CCDC17: variants seen among roughly 807,000 people sequenced by gnomAD.
CCDC17 encodes coiled-coil domain containing 17.
In CCDC17, 79 loss-of-function variants were observed where a neutral mutation model predicts 68.0. That is an observed-to-expected ratio of 1.16 (90% CI 0.97 to 1.40). The LOEUF (loss-of-function observed/expected upper bound fraction) is 1.40. Among genes scored for constraint, CCDC17 ranks in the 40% most tolerant of loss-of-function variants. The probability of loss-of-function intolerance (pLI) is 0.00; values close to 1 mark genes in which losing one functional copy is unlikely to be tolerated. For missense variants in CCDC17, 846 were observed against 811.5 expected (o/e 1.04, Z -0.52); for synonymous variants, 376 against 337.5 (o/e 1.11, Z -1.25).
rs1374576447 is a variant in CCDC17, at chr1:45,622,550, T to A, written c.858A>T (p.Arg286Ser). The A allele has an allele frequency of 6.4e-7, 1 of 1,551,578 alleles. No homozygotes were observed. Among genetic ancestry groups the A allele is most frequent in the South Asian group, 1.2e-5 (1 of 84,064 alleles). Residue 286 changes from arginine to serine, a missense_variant and splice_region_variant, in exon 6 of 13, where the codon AGA becomes AGT. Arg to Ser is a moderately radical substitution (Grantham distance 110, BLOSUM62 -1). Transcript: ENST00000528266. ...ALELQRSQTR[R>S]GRAGATSGEL... ...CTGGCGAGAGGCCCTCCTGTTCACC[T>A]CTGCGGGTCTGCGACCGCTGCAGCT...
rs775067252 is a variant in CCDC17, at chr1:45,620,248, G to C, written c.*27C>G. The C allele has an allele frequency of 6.2e-7, 1 of 1,601,026 alleles. No homozygotes were observed. The highest frequency in any genetic ancestry group is 8.5e-7 in the Non-Finnish European group (1 of 1,175,518). ...TAGGCCCCAGTCCTGTGCATGTTCA[G>C]ATGCTCATCTCCACATTCACTTGGG... On this transcript the variant is annotated 3_prime_UTR_variant, in exon 13 of 13. Transcript: ENST00000528266.
chr1:45,621,125 C>T lies in CCDC17; in HGVS notation c.1389-12G>A. On this transcript the variant is annotated splice_polypyrimidine_tract_variant and intron_variant, in intron 10 of 12. Transcript: ENST00000528266. ...ATGAGGGTGGTAGTCTGTAGAATAA[C>T]CAAAAAGCAGTGTCGGAAGCCAGAG... The T allele has an allele frequency of 6.2e-7, 1 of 1,612,508 alleles. No individual in the cohort carries two copies. The highest frequency in any genetic ancestry group is 8.5e-7 in the Non-Finnish European group (1 of 1,179,164).
chr1:45,622,156 T>C, intron 7 of CCDC17, 85 bp downstream of exon 7: 1 of 1,364,402 alleles, frequency 7.3e-7, no homozygotes. Flanking sequence ...CAAACACGGG[T>C]CTTGTTCCCC....
chr1:45,621,197 G>A, intron 10 of CCDC17, 84 bp from the exon 11 acceptor site: 1 of 1,551,282 alleles, frequency 6.4e-7, no homozygotes, highest in Non-Finnish European at 8.7e-7. Flanking sequence ...AGCGGCCTCT[G>A]TATACAGATG....
intron 7 of CCDC17, 92 bp from the exon 8 acceptor site, chr1:45,622,087 G>A: frequency 7.2e-7 from 1 of 1,385,470 alleles, no homozygotes; most frequent in Non-Finnish European, 1.0e-6. Flanking sequence ...CCACAAATGG[G>A]TTGGCGGAGC....
At position 45,621,904 on chromosome 1, in the gene CCDC17, CGGT is replaced by C; in HGVS notation, c.1056_1058del (p.Pro353del). ...CCGAGAAGCCTGGAAGTGGTGGCAG[CGGT>C]GGTGCCACCGGTGGCGGGAGGAGTG... On this transcript the variant is annotated inframe_deletion, in exon 8 of 13. Coordinates refer to ENST00000528266, the MANE Select transcript of CCDC17 (RefSeq NM_001114938.3). 5 of 1,607,202 alleles carry C rather than the reference CGGT, an allele frequency of 3.1e-6. No individual in the cohort carries two copies. The highest frequency in any genetic ancestry group is 4.2e-6 in the Non-Finnish European group (5 of 1,176,960).
At chr1:45,621,825 C>T (rs1644270794) in intron 8 of CCDC17, 52 bp downstream of exon 8, 2 of 1,593,924 alleles carry the variant, frequency 1.3e-6, no homozygotes, top group East Asian at 2.3e-5. Context: ...CCAACCTGTT[C>T]CCCCAACCCA....
intron 4 of CCDC17, 21 bp from the exon 5 acceptor site, chr1:45,622,855 C>A (rs1344088693): frequency 1.9e-6 from 3 of 1,584,340 alleles, no homozygotes; most frequent in Non-Finnish European, 1.7e-6. Flanking sequence ...AGGCGACGCG[C>A]AGGGAGACGG....
chr1:45,620,862 TG>T (rs1217628174), intron 11 of CCDC17, 29 bp from the exon 12 acceptor site: 1 of 1,610,656 alleles, frequency 6.2e-7, no homozygotes, highest in African/African-American at 1.3e-5. Context: ...GTATTGCACT[TG>T]TACTTTGCTG....
Position 45,621,498 on chromosome 1 carries a change from G to A in CCDC17, c.1185-14C>T, listed in dbSNP as rs1557676584. 7 of 1,578,244 alleles carry A rather than the reference G, an allele frequency of 4.4e-6. No homozygotes were observed. Among genetic ancestry groups the A allele is most frequent in the Non-Finnish European group, 6.0e-6 (7 of 1,162,362 alleles). On this transcript the variant is annotated splice_polypyrimidine_tract_variant and intron_variant, in intron 9 of 12. Coordinates refer to ENST00000528266, the MANE Select transcript of CCDC17 (RefSeq NM_001114938.3). ...ACCAGGCCAGCCCTGGGGAACACAA[G>A]TCTTAGCACAGAAATACCCAACTCC...
At position 45,621,060 on chromosome 1, in the gene CCDC17, C is replaced by T; in HGVS notation, c.1442G>A (p.Gly481Glu). Residue 481 changes from glycine to glutamate, a missense_variant, in exon 11 of 13, where the codon GGG (glycine) becomes GAG (glutamate). Coordinates refer to ENST00000528266, the MANE Select transcript of CCDC17 (RefSeq NM_001114938.3). ...CTGTGGTGCCCTAGCCCATGCTAGC[C>T]CCTGCCAGACCTGCAGCTCACAGAC... ...SLVCELQVWQGLAWARAPQPK... is the reference protein window; with the variant it reads ...SLVCELQVWQELAWARAPQPK... 6.2e-7 allele frequency: 1 copy of T among 1,613,986 alleles called. No homozygotes were observed. The highest frequency in any genetic ancestry group is 8.5e-7 in the Non-Finnish European group (1 of 1,179,880).
chr1:45,622,985 G>C lies in CCDC17; in HGVS notation c.626C>G (p.Ala209Gly), dbSNP rs750196872. ...RTRGALEVLG[A>G]RIQELQAEPG... The stretch of plus-strand genomic sequence containing the variant: ...CTCCGCCTGCAGCTCCTGAATGCGG[G>C]CCCCCAACACCTCTAGAGCTCCCCG... Residue 209 changes from alanine (A) to glycine (G), a missense_variant, in exon 4 of 13, where the codon GCC becomes GGC. Transcript: ENST00000528266. 52 of 1,605,600 alleles carry C rather than the reference G, an allele frequency of 3.2e-5. 1 individual carries two copies. The South Asian group carries it at 5.7e-4, about 17-fold the overall frequency.
Position 45,621,682 on chromosome 1 carries a change from G to A in CCDC17, c.1140C>T (p.Leu380=), listed in dbSNP as rs760862274. Residue 380 remains leucine (L), a synonymous_variant, in exon 9 of 13, where the codon CTC becomes CTT. Transcript: ENST00000528266. ...TRNLGLDSHF[L]LPTSDMLGPA... is the part of the protein sequence containing the mutation. ...GGCCCAGCATGTCCGATGTGGGCAG[G>A]AGGAAGTGTGAGTCCAGGCCCAGGT... The A allele has an allele frequency of 6.2e-6, 10 of 1,613,772 alleles. No homozygotes were observed. In the South Asian group the frequency reaches 9.9e-5, roughly 16 times the overall value.
chr1:45,620,745 T>C lies in CCDC17; in HGVS notation c.1688A>G (p.His563Arg), dbSNP rs747514252. The change falls in exon 12 of 13, where the codon CAT becomes CGT. Residue 563 changes from histidine to arginine, a missense_variant. His to Arg is a conservative substitution (Grantham distance 29). Coordinates refer to ENST00000528266, the MANE Select transcript of CCDC17 (RefSeq NM_001114938.3). ...CACCGGAGGTGGGTACTGGTACTCA[T>C]GGACACTTGCTGGATTGATCTCTGC... ...TLAEINPASV[H>R]EYQYPPPVSS... 1.9e-5 allele frequency: 30 copies of C among 1,607,658 alleles called. No homozygotes were observed. Among genetic ancestry groups the C allele is most frequent in the Non-Finnish European group, 2.5e-5 (30 of 1,177,014 alleles).
Position 45,620,370 on chromosome 1 carries a change from G to A in CCDC17, c.1774C>T (p.Pro592Ser), listed in dbSNP as rs142888180. The change falls in exon 13 of 13, where the codon CCA becomes TCA. Residue 592 changes from proline (P) to serine (S), a missense_variant. Coordinates refer to ENST00000528266, the MANE Select transcript of CCDC17 (RefSeq NM_001114938.3). ...LTPAVGFADPPPRTEEPLSGV... is the reference protein window; with the variant it reads ...LTPAVGFADPSPRTEEPLSGV... Reference sequence around the variant, plus strand: ...CTGAGGGGCTCTTCTGTACGAGGTGGGGGATCAGCAAAGCCAACTGCGGGG... The same window carrying A: ...CTGAGGGGCTCTTCTGTACGAGGTGAGGGATCAGCAAAGCCAACTGCGGGG... The A allele has an allele frequency of 1.9e-6, 3 of 1,606,052 alleles. No individual in the cohort carries two copies. Among genetic ancestry groups the A allele is most frequent in the Middle Eastern group, 1.7e-4 (1 of 6,044 alleles).
chr1:45,622,629 T>C lies in CCDC17; in HGVS notation c.779A>G (p.Asp260Gly). 6.4e-7 allele frequency: 1 copy of C among 1,556,818 alleles called. No individual in the cohort carries two copies. The highest frequency in any genetic ancestry group is 8.7e-7 in the Non-Finnish European group (1 of 1,150,278). The stretch of plus-strand genomic sequence containing the variant: ...CCATATCTGGCCCAGCACGCCGGGG[T>C]CCCGGCCCCCGTCTCGAATGTAGGC... ...REAYIRDGGR[D>G]PGVLGQIWQL... is the part of the protein sequence containing the mutation. The change falls in exon 6 of 13, where the codon GAC becomes GGC. Residue 260 changes from aspartate (D) to glycine (G), a missense_variant. Transcript: ENST00000528266.
intron 5 of CCDC17, 22 bp downstream of exon 5, chr1:45,622,729 C>T (rs1417202129): frequency 7.6e-6 from 12 of 1,570,214 alleles, no homozygotes; most frequent in Non-Finnish European, 9.5e-6. Flanking sequence ...GCCCTATGCC[C>T]ATCTCCGGCC....
intron 4 of CCDC17, 49 bp downstream of exon 4, chr1:45,622,906 T>G: frequency 1.1e-6 from 1 of 937,908 alleles, no homozygotes; most frequent in Non-Finnish European, 1.6e-6. Flanking sequence ...AGCCCGCCCC[T>G]CCCACCCCGG....
At chr1:45,621,592 G>A in intron 9 of CCDC17, 46 bp downstream of exon 9, 2 of 1,604,890 alleles carry the variant, frequency 1.2e-6, no homozygotes, top group Non-Finnish European at 1.7e-6. Context: ...TTAACCAGCA[G>A]TGCTGGCCAA....
Sources: allele counts gnomAD v4.1 joint callset, GRCh38; gene constraint gnomAD v4.1.1; transcripts MANE v1.5; gene names NCBI Gene and HGNC (gene_info 2026-07-23, HGNC 2026-07-21).